The following PARP8 variants were observed in gnomAD, a reference collection of about 807,000 sequenced individuals.
PARP8 encodes the protein protein mono-ADP-ribosyltransferase PARP8.
A neutral mutation model predicts 124.1 loss-of-function variants in PARP8; 51 were observed. The ratio of observed to expected loss-of-function variants is 0.41; its 90% CI spans 0.33 to 0.52. The LOEUF (loss-of-function observed/expected upper bound fraction) is 0.52. PARP8 is among the 20% of genes least tolerant of loss of function. The pLI is 0.21. For missense variants in PARP8, 860 were observed against 1,018.9 expected, an observed-to-expected ratio of 0.84 and a Z score of 2.12; for synonymous variants, 391 against 361.5, an observed-to-expected ratio of 1.08 and a Z score of -0.93.
Position 50,846,221 on chromosome 5 carries a change from C to A in PARP8, c.*4153C>A. On this transcript the variant is annotated 3_prime_UTR_variant, in exon 26 of 26. Coordinates refer to ENST00000281631, the MANE Select transcript of PARP8 (RefSeq NM_024615.4). The stretch of plus-strand genomic sequence containing the variant: ...TCCATTATGTAAACATTAAGATATG[C>A]CTATGTTTCTTTAACTATACAGCCT... 1 of 151,618 alleles carries A rather than the reference C, an allele frequency of 6.6e-6. No homozygotes were observed. Among genetic ancestry groups the A allele is most frequent in the East Asian group, 1.9e-4 (1 of 5,164 alleles). 9.4% of individuals were successfully genotyped at this position (151,618 alleles called of 1,614,324 possible).
chr5:50,775,207 G>A (rs980122628), intron 7 of PARP8, among the ~76,000 whole-genome samples: 1 of 152,200 alleles, frequency 6.6e-6, no homozygotes, highest in Admixed American at 6.5e-5. Flanking sequence ...CAAGCAGGTG[G>A]CTGGGAGGTG....
intron 3 of PARP8, among the ~76,000 whole-genome samples, chr5:50,754,249 T>G (rs1759652531): frequency 6.6e-6 from 1 of 150,480 alleles, no homozygotes. Context: ...TTGTTACATA[T>G]GTATACATGT....
At chr5:50,734,470 A>G (rs1179214013) in intron 2 of PARP8, among the ~76,000 whole-genome samples, 1 of 152,178 alleles carries the variant, frequency 6.6e-6, no homozygotes, top group Non-Finnish European at 1.5e-5. Flanking sequence ...GTCCTTCATG[A>G]TAACAAAGGG....
chr5:50,783,001 T>A (rs1247331834), intron 9 of PARP8, among the ~76,000 whole-genome samples: 1 of 151,906 alleles, frequency 6.6e-6, no homozygotes, highest in Non-Finnish European at 1.5e-5. Context: ...ATCAGGGAAA[T>A]CTTACAGGTT....
At position 50,711,355 on chromosome 5, in the gene PARP8, A is replaced by G. The variant is rs541473915; in HGVS notation, c.147-38796A>G. On this transcript the variant is annotated intron_variant, in intron 2 of 25. Transcript: ENST00000281631. ...TCAGGAATAAAAGCCTATTAGTTTA[A>G]TTCAGTCATGTGACTTGTCCCTCTG... is the stretch of plus-strand genomic sequence containing the variant. 1.1e-3 allele frequency among the ~76,000 whole-genome samples: 171 copies of G among 152,258 alleles called. 2 individuals carry two copies. The highest frequency in any genetic ancestry group is 4.0e-3 in the African/African-American group (167 of 41,568).
intron 14 of PARP8, among the ~76,000 whole-genome samples, chr5:50,805,702 T>C (rs1325142456): frequency 1.3e-5 from 2 of 152,088 alleles, no homozygotes; most frequent in African/African-American, 2.4e-5. Context: ...TTTATACTTT[T>C]AAAAAACATG....
chr5:50,722,440 T>A (rs1755990605), intron 2 of PARP8, among the ~76,000 whole-genome samples: 1 of 152,042 alleles, frequency 6.6e-6, no homozygotes, highest in Admixed American at 6.6e-5. Context: ...TAGCCGATAG[T>A]GGGACACAGC....
At chr5:50,740,872 G>T (rs186843908) in intron 2 of PARP8, among the ~76,000 whole-genome samples, 3 of 151,484 alleles carry the variant, frequency 2.0e-5, no homozygotes, top group Non-Finnish European at 3.0e-5. Context: ...AACTTGGAAA[G>T]AACTTATTTT....
rs1749586133 is a variant in PARP8, at chr5:50,668,208, T to G, written c.146+83T>G. 6 of 1,300,452 alleles carry G rather than the reference T, an allele frequency of 4.6e-6. No homozygotes were observed. The Admixed American group carries it at 1.0e-4, about 22-fold the overall frequency. The allele number at this position is 1,300,452 out of a possible 1,614,324, so 80.6% of individuals were successfully genotyped here. ...TCTTAGCGTGTTCCGTGTTCGGGTA[T>G]TTTGGTTGCTTGTTTGTTTGATTAT... is the stretch of plus-strand genomic sequence containing the variant. On this transcript the variant is annotated intron_variant, in intron 2 of 25. Coordinates refer to ENST00000281631, the MANE Select transcript of PARP8 (RefSeq NM_024615.4).
chr5:50,796,870 C>T, intron 12 of PARP8, 112 bp from the exon 13 acceptor site: 1 of 891,038 alleles, frequency 1.1e-6, no homozygotes, highest in South Asian at 2.0e-5. Context: ...ATTCATATTT[C>T]ATGTGATCTT....
chr5:50,727,392 G>A (rs1756536143), intron 2 of PARP8, among the ~76,000 whole-genome samples: 1 of 152,106 alleles, frequency 6.6e-6, no homozygotes, highest in Non-Finnish European at 1.5e-5. Context: ...AATGGACATG[G>A]ATCCACTCAA....
chr5:50,692,730 C>G (rs1476098689), intron 2 of PARP8, among the ~76,000 whole-genome samples: 1 of 152,066 alleles, frequency 6.6e-6, no homozygotes, highest in Non-Finnish European at 1.5e-5. Flanking sequence ...TAGACTAAAT[C>G]TTACTCTCTT....
chr5:50,710,259 A>G (rs1001389831), intron 2 of PARP8, among the ~76,000 whole-genome samples: 5 of 151,910 alleles, frequency 3.3e-5, no homozygotes, highest in African/African-American at 7.2e-5. Context: ...TGCTGTTATC[A>G]TAGGGAGATC....
intron 2 of PARP8, among the ~76,000 whole-genome samples, chr5:50,707,656 A>C (rs1754296640): frequency 6.6e-6 from 1 of 151,728 alleles, no homozygotes; most frequent in Non-Finnish European, 1.5e-5. Context: ...AGAGAGAGAG[A>C]GAGAGAGAAA....
At chr5:50,776,074 A>G (rs1056288430) in intron 7 of PARP8, among the ~76,000 whole-genome samples, 32 of 152,112 alleles carry the variant, frequency 2.1e-4, no homozygotes, top group Non-Finnish European at 1.3e-4. Flanking sequence ...TTCTATAGCT[A>G]ATTTGTTGAG....
intron 2 of PARP8, among the ~76,000 whole-genome samples, chr5:50,669,679 A>G (rs1428020690): frequency 6.6e-6 from 1 of 152,230 alleles, no homozygotes; most frequent in Non-Finnish European, 1.5e-5. Flanking sequence ...AGAGGTGGAA[A>G]AGGGAGCAAG....
At chr5:50,785,840 T>C (rs1223572520) in intron 9 of PARP8, among the ~76,000 whole-genome samples, 1 of 152,120 alleles carries the variant, frequency 6.6e-6, no homozygotes. Context: ...AGCAACACAA[T>C]CTTTGCTCTA....
chr5:50,800,738 T>C (rs1743111234), intron 14 of PARP8, among the ~76,000 whole-genome samples: 3 of 151,724 alleles, frequency 2.0e-5, no homozygotes, highest in Non-Finnish European at 4.4e-5. Flanking sequence ...TATCTGGGCC[T>C]GGAGATTTCT....
intron 15 of PARP8, 74 bp from the exon 16 acceptor site, chr5:50,821,139 T>G: frequency 1.3e-6 from 2 of 1,551,534 alleles, no homozygotes; most frequent in Non-Finnish European, 1.8e-6. Context: ...TATGCTACCT[T>G]GAGAGGGAGA....
Sources: allele counts gnomAD v4.1 joint callset (sites outside exome capture counted in the v4.1 genomes callset), GRCh38; gene constraint gnomAD v4.1.1; transcripts MANE v1.5; gene names NCBI Gene and HGNC (gene_info 2026-07-23, HGNC 2026-07-21).